Variants in BLTP1 observed in about 807,000 individuals in gnomAD.
BLTP1 encodes the protein bridge-like lipid transfer protein family member 1.
At chr4:122,254,767 G>T in the BLTP1 span, 3 of 1,457,784 alleles carry the variant, frequency 2.1e-6, no homozygotes, top group South Asian at 1.5e-5. Flanking sequence ...TACAAATTTT[G>T]ACACTTGTTT....
chr4:122,164,076 T>C, the BLTP1 span, among the ~76,000 whole-genome samples: 3 of 152,354 alleles, frequency 2.0e-5, no homozygotes, highest in Admixed American at 2.0e-4. Context: ...TCTGAGTTTA[T>C]GTGAAGGCCT....
chr4:122,314,205 C>A, the BLTP1 span: 1 of 789,878 alleles, frequency 1.3e-6, no homozygotes, highest in Non-Finnish European at 1.5e-6. Flanking sequence ...AAAATTCAGG[C>A]AGAGAGAATA....
At chr4:122,344,735 G>A in the BLTP1 span, 1 of 1,273,132 alleles carries the variant, frequency 7.9e-7, no homozygotes. Context: ...AGTAATAAAT[G>A]TTAGGAATAT....
the BLTP1 span, among the ~76,000 whole-genome samples, chr4:122,300,673 G>T: frequency 2.6e-5 from 4 of 151,930 alleles, no homozygotes; most frequent in East Asian, 1.9e-4. Flanking sequence ...TATCTATTTG[G>T]TTCTTAGTTA....
At chr4:122,187,363 G>C in the BLTP1 span, 2 of 1,587,564 alleles carry the variant, frequency 1.3e-6, no homozygotes, top group Non-Finnish European at 8.6e-7. Flanking sequence ...GGTATTGTGA[G>C]GAAGTGAACT....
At chr4:122,327,373 C>T in the BLTP1 span, among the ~76,000 whole-genome samples, 4 of 151,818 alleles carry the variant, frequency 2.6e-5, no homozygotes, top group South Asian at 6.2e-4. Flanking sequence ...TAGTAGTACA[C>T]TTCAAATGCT....
chr4:122,192,297 G>C, the BLTP1 span: 12 of 1,613,734 alleles, frequency 7.4e-6, no homozygotes, highest in Non-Finnish European at 1.0e-5. Flanking sequence ...CAAATTACAA[G>C]ACTTGCCTCC....
the BLTP1 span, chr4:122,288,925 C>T: frequency 4.6e-6 from 2 of 438,508 alleles, no homozygotes; most frequent in Non-Finnish European, 6.1e-6. Context: ...TGGCCAGTAA[C>T]GTATTAGGAA....
the BLTP1 span, chr4:122,359,427 T>C: frequency 4.3e-6 from 6 of 1,384,660 alleles, no homozygotes; most frequent in Non-Finnish European, 5.7e-6. Context: ...TAAAATATTA[T>C]TTTTAAGAAA....
chr4:122,226,469 A>G, the BLTP1 span: 10 of 1,263,972 alleles, frequency 7.9e-6, no homozygotes, highest in East Asian at 4.0e-4. Context: ...TTTCAGTTGC[A>G]ATTAGTTTTC....
At chr4:122,229,829 G>T in the BLTP1 span, 4 of 1,378,676 alleles carry the variant, frequency 2.9e-6, no homozygotes, top group South Asian at 1.8e-5. Context: ...TTCCATTTAT[G>T]TTTTACTCTA....
chr4:122,286,367 C>T, the BLTP1 span: 11 of 828,470 alleles, frequency 1.3e-5, no homozygotes, highest in Non-Finnish European at 1.3e-5. Context: ...GATTGACTTG[C>T]GTATTTAAAG....
the BLTP1 span, among the ~76,000 whole-genome samples, chr4:122,222,289 C>T: frequency 6.6e-6 from 1 of 152,012 alleles, no homozygotes; most frequent in Non-Finnish European, 1.5e-5. Context: ...GTGTCTACTC[C>T]CAAGGCTCAA....
the BLTP1 span, among the ~76,000 whole-genome samples, chr4:122,327,099 G>GGTGTTTTGTTT: frequency 6.8e-6 from 1 of 148,114 alleles, no homozygotes; most frequent in African/African-American, 2.5e-5. Context: ...TCATAGGGGG[G>GGTGTTTTGTTT]TGTTTTGTTT....
the BLTP1 span, chr4:122,186,228 G>T: frequency 6.2e-7 from 1 of 1,600,302 alleles, no homozygotes; most frequent in Admixed American, 1.7e-5. Flanking sequence ...GAAAGGTTCA[G>T]TATCATACTT....
At chr4:122,207,904 G>A in the BLTP1 span, 2 of 983,770 alleles carry the variant, frequency 2.0e-6, no homozygotes, top group East Asian at 2.3e-4. Flanking sequence ...TAATCTGTAT[G>A]TTAGCCCTTC....
At chr4:122,190,391 C>A in the BLTP1 span, 4 of 976,058 alleles carry the variant, frequency 4.1e-6, no homozygotes, top group African/African-American at 7.0e-5. Flanking sequence ...CCCATGGTGC[C>A]TGGCCTGTTT....
At chr4:122,206,531 A>G in the BLTP1 span, among the ~76,000 whole-genome samples, 1 of 151,930 alleles carries the variant, frequency 6.6e-6, no homozygotes, top group African/African-American at 2.4e-5. Flanking sequence ...ACTGACAAGT[A>G]ATCCTGAATA....
the BLTP1 span, chr4:122,239,902 A>G: frequency 6.2e-7 from 1 of 1,614,004 alleles, no homozygotes; most frequent in Non-Finnish European, 8.5e-7. Flanking sequence ...ATTAGCAGTG[A>G]TGAAGGCCCT....
Sources: allele counts gnomAD v4.1 joint callset (sites outside exome capture counted in the v4.1 genomes callset), GRCh38; gene constraint gnomAD v4.1.1; transcripts MANE v1.5; gene names NCBI Gene and HGNC (gene_info 2026-07-23, HGNC 2026-07-21).